The following IL1RAPL1 variants were observed in gnomAD, a reference collection of about 807,000 sequenced individuals.
IL1RAPL1 encodes interleukin 1 receptor accessory protein like 1.
IL1RAPL1 carries 3 observed loss-of-function variants against 48.4 expected under a neutral mutation model. That is an observed-to-expected ratio of 0.06 (90% CI 0.03 to 0.16). IL1RAPL1 has a LOEUF of 0.16. Ranked by LOEUF, IL1RAPL1 falls within the 10% of genes least tolerant of loss-of-function variation. The pLI is 1.00. For synonymous variants in IL1RAPL1, 185 were observed against 187.7 expected (o/e 0.99, Z 0.12); for missense variants, 349 against 530.6 (o/e 0.66, Z 3.36).
At chrX:29,409,980 G>T (rs982597409) in intron 5 of IL1RAPL1, among the ~76,000 whole-genome samples, 2 of 109,670 alleles carry the variant, frequency 1.8e-5, no homozygotes, top group Middle Eastern at 4.3e-3. Context: ...GTGCCACCAC[G>T]CCCGGCTAAT....
At chrX:29,150,921 CAAA>C (rs757072950) in intron 2 of IL1RAPL1, among the ~76,000 whole-genome samples, 1 of 43,746 alleles carries the variant, frequency 2.3e-5, no homozygotes. Context: ...GACTCCATCT[CAAA>C]AAAAAAAAAA....
chrX:29,763,494 A>G (rs5928329), intron 6 of IL1RAPL1, among the ~76,000 whole-genome samples: 42,954 of 110,088 alleles, frequency 0.39, 6,127 homozygotes, highest in Middle Eastern at 0.49. Context: ...TAACATACAT[A>G]TATGTAATGT....
chrX:29,803,867 A>G (rs2147173411), intron 6 of IL1RAPL1, among the ~76,000 whole-genome samples: 1 of 110,600 alleles, frequency 9.0e-6, no homozygotes, highest in African/African-American at 3.3e-5. Context: ...TAAAGACCAG[A>G]GGAAGCTAAA....
In IL1RAPL1 at chrX:29,204,039, C is replaced by T. The variant is rs182511061; in HGVS notation, c.83-78899C>T. ...TGATGCAAATGACAATATTTTATGA[C>T]TTTTATGACTGAATAGCATTCCATT... On this transcript the variant is annotated intron_variant, in intron 2 of 10. Transcript: ENST00000378993. Among the ~76,000 whole-genome samples the T allele has an allele frequency of 1.8e-4, 20 of 110,586 alleles. No individual in the cohort carries two copies. The Admixed American group carries it at 1.9e-3, about 11-fold the overall frequency.
chrX:29,515,528 G>A (rs1190098675), intron 5 of IL1RAPL1, among the ~76,000 whole-genome samples: 1 of 111,866 alleles, frequency 8.9e-6, no homozygotes, highest in Non-Finnish European at 1.9e-5. Context: ...TTTTCACTCA[G>A]CATAATTCTC....
chrX:29,304,065 A>G (rs1388830743), intron 3 of IL1RAPL1, among the ~76,000 whole-genome samples: 1 of 111,704 alleles, frequency 9.0e-6, no homozygotes, highest in Non-Finnish European at 1.9e-5. Context: ...TGGACGCTTC[A>G]TTGTGAGAAA....
intron 1 of IL1RAPL1, among the ~76,000 whole-genome samples, chrX:28,615,221 T>TG (rs1569138811): frequency 3.3e-5 from 3 of 89,579 alleles, no homozygotes; most frequent in Admixed American, 1.2e-4. Context: ...TTTTTTTTTT[T>TG]TTTTTTTTTT....
intron 2 of IL1RAPL1, among the ~76,000 whole-genome samples, chrX:28,968,037 G>C (rs1924962988): frequency 9.0e-6 from 1 of 111,342 alleles, no homozygotes; most frequent in African/African-American, 3.3e-5. Context: ...CGGCCAGATG[G>C]CATGCTACTT....
At chrX:29,216,571 G>A (rs777733556) in intron 2 of IL1RAPL1, among the ~76,000 whole-genome samples, 3 of 111,460 alleles carry the variant, frequency 2.7e-5, no homozygotes, top group South Asian at 3.7e-4. Flanking sequence ...TGTAACACTC[G>A]TGACACCTCC....
chrX:29,302,192 A>T (rs2147612195), intron 3 of IL1RAPL1, among the ~76,000 whole-genome samples: 1 of 112,123 alleles, frequency 8.9e-6, no homozygotes, highest in African/African-American at 3.2e-5. Context: ...TCAGACAATT[A>T]TCTAATGAAT....
chrX:29,385,656 AT>A (rs1002577394), intron 3 of IL1RAPL1, among the ~76,000 whole-genome samples: 1 of 112,334 alleles, frequency 8.9e-6, no homozygotes, highest in African/African-American at 3.2e-5. Context: ...CTCAGGTTTC[AT>A]CCATGTTGTA....
At chrX:29,679,271 T>C (rs1489665310) in intron 6 of IL1RAPL1, among the ~76,000 whole-genome samples, 2 of 111,834 alleles carry the variant, frequency 1.8e-5, no homozygotes, top group Non-Finnish European at 3.8e-5. Flanking sequence ...GAAAACAAAA[T>C]ATTTTTTATT....
intron 6 of IL1RAPL1, among the ~76,000 whole-genome samples, chrX:29,715,361 C>T (rs888401531): frequency 3.6e-5 from 4 of 111,233 alleles, no homozygotes; most frequent in African/African-American, 1.3e-4. Context: ...AAGTTGTATT[C>T]CTAACAACTT....
intron 5 of IL1RAPL1, among the ~76,000 whole-genome samples, chrX:29,577,505 C>T (rs745882199): frequency 9.0e-6 from 1 of 111,654 alleles, no homozygotes; most frequent in African/African-American, 3.3e-5. Flanking sequence ...AATTAAACTT[C>T]CCTTTCGCTC....
chrX:29,848,791 A>T (rs1319689436), intron 6 of IL1RAPL1, among the ~76,000 whole-genome samples: 1 of 110,849 alleles, frequency 9.0e-6, no homozygotes, highest in East Asian at 2.8e-4. Context: ...TTTGAGACAG[A>T]GTCTCACTCT....
At chrX:29,353,075 T>C (rs954114946) in intron 3 of IL1RAPL1, among the ~76,000 whole-genome samples, 4 of 112,143 alleles carry the variant, frequency 3.6e-5, no homozygotes, top group African/African-American at 1.3e-4. Flanking sequence ...TTAACTCCTG[T>C]GAGTGTAATA....
intron 1 of IL1RAPL1, among the ~76,000 whole-genome samples, chrX:28,753,051 G>A (rs1346831010): frequency 1.8e-5 from 2 of 111,696 alleles, no homozygotes; most frequent in Admixed American, 9.5e-5. Flanking sequence ...ACGCAGAAAC[G>A]AAGTCCCCGA....
intron 2 of IL1RAPL1, among the ~76,000 whole-genome samples, chrX:29,213,068 G>A (rs5943486): frequency 1.9e-4 from 21 of 110,127 alleles, no homozygotes; most frequent in African/African-American, 5.6e-4. Context: ...GCACAATCTC[G>A]GCTCACCGCA....
chrX:29,909,186 G>A (rs1273837834), intron 6 of IL1RAPL1, among the ~76,000 whole-genome samples: 2 of 111,165 alleles, frequency 1.8e-5, no homozygotes, highest in African/African-American at 6.5e-5. Context: ...ACTAGCCTGG[G>A]CAACATAGGG....
Sources: gnomAD v4.1 joint callset for allele counts (sites outside exome capture counted in the v4.1 genomes callset) on GRCh38, gnomAD v4.1.1 for gene constraint, MANE v1.5 for transcripts, NCBI Gene and HGNC (gene_info 2026-07-23, HGNC 2026-07-21) for gene names.